The following LYRM4 variants were observed in gnomAD, a reference collection of about 807,000 sequenced individuals.
LYRM4 encodes the protein LYR motif-containing protein 4.
In LYRM4, 9 loss-of-function variants were observed where a neutral mutation model predicts 11.7. The observed-to-expected ratio is 0.77, with a 90% CI of 0.46 to 1.34. The LOEUF is 1.34. LYRM4 is among the 40% of genes most tolerant of loss of function. The probability of loss-of-function intolerance (pLI) is 0.00; values close to 1 mark genes in which losing one functional copy is unlikely to be tolerated. For missense variants in LYRM4, 133 were observed against 112.5 expected, an observed-to-expected ratio of 1.18 and a Z score of -0.82; for synonymous variants, 42 against 40.4, an observed-to-expected ratio of 1.04 and a Z score of -0.15.
chr6:5,254,328 G>C (rs1764573558), intron 1 of LYRM4, among the ~76,000 whole-genome samples: 1 of 152,170 alleles, frequency 6.6e-6, no homozygotes, highest in South Asian at 2.1e-4. Flanking sequence ...ACGCTTCCTT[G>C]ACTAGCAGGA....
At chr6:5,040,959 A>G in the LYRM4 span, among the ~76,000 whole-genome samples, 134,288 of 152,086 alleles carry the variant, frequency 0.88, 59,387 homozygotes, top group East Asian at 0.99. Context: ...CCCATATGCG[A>G]GACCAAAATT....
At chr6:5,250,434 C>T (rs902859819) in intron 1 of LYRM4, among the ~76,000 whole-genome samples, 29 of 152,112 alleles carry the variant, frequency 1.9e-4, no homozygotes, top group African/African-American at 7.0e-4. Context: ...ATCTAAATAT[C>T]TTAAATATTT....
chr6:5,190,898 G>A (rs757576516), intron 2 of LYRM4, among the ~76,000 whole-genome samples: 4 of 152,104 alleles, frequency 2.6e-5, no homozygotes, highest in Non-Finnish European at 4.4e-5. Flanking sequence ...GCAAAACTTT[G>A]TCTCTGTGTT....
chr6:5,148,550 TAA>T (rs1757906094), intron 2 of LYRM4, among the ~76,000 whole-genome samples: 1 of 8,958 alleles, frequency 1.1e-4, no homozygotes, highest in African/African-American at 6.2e-4. Context: ...TGGTGCCTTC[TAA>T]ATAGTCTCAA....
chr6:5,082,292 A>G, the LYRM4 span, among the ~76,000 whole-genome samples: 1 of 152,174 alleles, frequency 6.6e-6, no homozygotes, highest in Admixed American at 6.5e-5. Context: ...TCAGAATTGA[A>G]TTATTGGACA....
At chr6:5,255,589 A>C (rs1764628799) in intron 1 of LYRM4, among the ~76,000 whole-genome samples, 1 of 152,156 alleles carries the variant, frequency 6.6e-6, no homozygotes, top group Admixed American at 6.5e-5. Flanking sequence ...AAGGCCTAAG[A>C]CCAGTTAAGT....
intron 1 of LYRM4, among the ~76,000 whole-genome samples, chr6:5,226,989 G>A (rs756166592): frequency 6.6e-5 from 10 of 152,124 alleles, no homozygotes; most frequent in Admixed American, 2.0e-4. Context: ...CATATAAGCA[G>A]GTGAGATATA....
At chr6:5,221,646 C>G (rs1032075123) in intron 1 of LYRM4, among the ~76,000 whole-genome samples, 2 of 152,190 alleles carry the variant, frequency 1.3e-5, no homozygotes, top group Non-Finnish European at 2.9e-5. Flanking sequence ...GAGCCAAGAT[C>G]GCGCCACTGC....
At chr6:5,184,541 C>G (rs1482500916) in intron 2 of LYRM4, among the ~76,000 whole-genome samples, 1 of 152,270 alleles carries the variant, frequency 6.6e-6, no homozygotes, top group East Asian at 1.9e-4. Flanking sequence ...AAAGGGCAAT[C>G]TTATTAACAT....
chr6:5,091,517 C>G, the LYRM4 span, among the ~76,000 whole-genome samples: 3 of 152,204 alleles, frequency 2.0e-5, no homozygotes, highest in African/African-American at 7.2e-5. Flanking sequence ...GATTTCAACT[C>G]TTTTGAATCT....
chr6:5,091,431 G>C, the LYRM4 span, among the ~76,000 whole-genome samples: 5 of 152,200 alleles, frequency 3.3e-5, no homozygotes, highest in East Asian at 9.6e-4. Flanking sequence ...ACATCAGAAC[G>C]CAGCGGTCAC....
the LYRM4 span, among the ~76,000 whole-genome samples, chr6:5,036,364 G>A: frequency 5.9e-5 from 9 of 152,194 alleles, no homozygotes; most frequent in South Asian, 8.3e-4. Flanking sequence ...AACAGAGAGC[G>A]CCTCAGCAGG....
chr6:5,111,289 T>C (rs1240052801), intron 2 of LYRM4, among the ~76,000 whole-genome samples: 1 of 152,214 alleles, frequency 6.6e-6, no homozygotes, highest in Non-Finnish European at 1.5e-5. Flanking sequence ...ACAGCTGGGA[T>C]GGTTCAGCTA....
At chr6:5,198,027 A>G (rs1761169601) in intron 2 of LYRM4, among the ~76,000 whole-genome samples, 1 of 152,024 alleles carries the variant, frequency 6.6e-6, no homozygotes. Flanking sequence ...AAACAAAAAC[A>G]AAAACAAAAC....
At chr6:5,260,619 C>A (rs1038408815) in intron 1 of LYRM4, 29 bp downstream of exon 1, 1 of 1,500,894 alleles carries the variant, frequency 6.7e-7, no homozygotes, top group Non-Finnish European at 8.9e-7. Context: ...TGGCCCCCCG[C>A]CCCCGGCCCC....
the LYRM4 span, among the ~76,000 whole-genome samples, chr6:5,093,876 AAATGC>A: frequency 6.6e-6 from 1 of 152,224 alleles, no homozygotes; most frequent in African/African-American, 2.4e-5. Flanking sequence ...CAGGGTCTGA[AAATGC>A]AATGTAGCCT....
chr6:5,239,904 C>G (rs778423324), intron 1 of LYRM4, among the ~76,000 whole-genome samples: 3 of 152,148 alleles, frequency 2.0e-5, no homozygotes, highest in Non-Finnish European at 2.9e-5. Context: ...GGAACAGTAC[C>G]TGGCCATGGC....
intron 2 of LYRM4, among the ~76,000 whole-genome samples, chr6:5,183,652 C>G (rs148372978): frequency 6.6e-6 from 1 of 152,180 alleles, no homozygotes; most frequent in African/African-American, 2.4e-5. Flanking sequence ...CTCTTCTCCC[C>G]CTTTAGACCG....
chr6:5,174,822 C>T (rs962647158), intron 2 of LYRM4, among the ~76,000 whole-genome samples: 2 of 152,258 alleles, frequency 1.3e-5, no homozygotes, highest in East Asian at 3.9e-4. Context: ...TTCTAACAAA[C>T]GTCGAGAAAG....
Sources: gnomAD v4.1 joint callset for allele counts (sites outside exome capture counted in the v4.1 genomes callset) on GRCh38, gnomAD v4.1.1 for gene constraint, MANE v1.5 for transcripts, NCBI Gene and HGNC (gene_info 2026-07-23, HGNC 2026-07-21) for gene names.